The following COPB1 variants were observed in gnomAD, a reference collection of about 807,000 sequenced individuals.
The protein encoded by COPB1 is coatomer subunit beta.
In COPB1, 21 loss-of-function variants were observed where a neutral mutation model predicts 108.7. The observed-to-expected ratio is 0.19, with a 90% CI of 0.14 to 0.28. The LOEUF is 0.28. COPB1 is among the 10% of genes least tolerant of loss of function. The pLI, the probability that COPB1 is intolerant of heterozygous loss-of-function variation, is 1.00. For missense variants in COPB1, 919 were observed against 1,141.3 expected (o/e 0.81, Z 2.81); for synonymous variants, 378 against 386.8 (o/e 0.98, Z 0.27).
intron 19 of COPB1, 43 bp downstream of exon 19, chr11:14,461,139 AAAGG>A (rs774089564): frequency 3.1e-5 from 50 of 1,611,992 alleles, no homozygotes; most frequent in Non-Finnish European, 4.2e-5. Context: ...ACAGCAGGCA[AAAGG>A]AAGAAAGATA....
At position 14,466,286 on chromosome 11, in the gene COPB1, T is replaced by G. The variant is rs774849752; in HGVS notation, c.2286A>C (p.Thr762=). The G allele has an allele frequency of 1.1e-5, 17 of 1,613,028 alleles. No homozygotes were observed. The highest frequency in any genetic ancestry group is 1.4e-5 in the Non-Finnish European group (16 of 1,179,558). The change falls in exon 17 of 22, where the codon ACA becomes ACC. Residue 762 remains threonine, a synonymous_variant. Transcript: ENST00000439561. Reference sequence around the variant, plus strand: ...CTGAATGGTAAGTTTCCTCACCTAGTGTAGCTAGTTCTAATGTGCAATTCT... The same window carrying G: ...CTGAATGGTAAGTTTCCTCACCTAGGGTAGCTAGTTCTAATGTGCAATTCT... ...TLQNCTLELA[T]LGDLKLVEKP... is the part of the protein sequence containing the mutation.
intron 7 of COPB1, among the ~76,000 whole-genome samples, chr11:14,486,149 A>G (rs1236777536): frequency 6.6e-6 from 1 of 152,202 alleles, no homozygotes; most frequent in Non-Finnish European, 1.5e-5. Flanking sequence ...GGTTAACTGT[A>G]CTGTCATTCT....
In COPB1 at chr11:14,481,109, G is replaced by GA. The variant is rs1485006126; in HGVS notation, c.958-13dup. ...TCCATAACCAGATCCTAAAAAAGAA[G>GA]AAAAAATCAAGAATTAACACCAATC... is the stretch of plus-strand genomic sequence containing the variant. On this transcript the variant is annotated splice_polypyrimidine_tract_variant and intron_variant, in intron 8 of 21. Coordinates refer to ENST00000439561, the MANE Select transcript of COPB1 (RefSeq NM_001144061.2). 1.4e-5 allele frequency: 22 copies of GA among 1,590,030 alleles called. No individual in the cohort carries two copies. Among genetic ancestry groups the GA allele is most frequent in the East Asian group, 6.7e-5 (3 of 44,738 alleles).
At position 14,483,032 on chromosome 11, in the gene COPB1, C is replaced by A; in HGVS notation, c.957G>T (p.Gln319His). 6.4e-7 allele frequency: 1 copy of A among 1,557,202 alleles called. No homozygotes were observed. Among genetic ancestry groups the A allele is most frequent in the Non-Finnish European group, 8.8e-7 (1 of 1,140,018 alleles). ...KEHPAHERVLQDLVMDILRVL... is the reference protein window; with the variant it reads ...KEHPAHERVLHDLVMDILRVL... ...TCTCTCTTTTTCAGATAACACTTAC[C>A]TGTAGTACTCGTTCATGAGCAGGAT... The change falls in exon 8 of 22, where the codon CAG (glutamine) becomes CAT (histidine). Residue 319 changes from glutamine to histidine, a missense_variant and splice_region_variant. Coordinates refer to ENST00000439561, the MANE Select transcript of COPB1 (RefSeq NM_001144061.2).
intron 12 of COPB1, among the ~76,000 whole-genome samples, chr11:14,476,581 G>C (rs901606239): frequency 1.3e-4 from 20 of 152,214 alleles, no homozygotes; most frequent in African/African-American, 4.3e-4. Flanking sequence ...ACACAACAAT[G>C]ACTAGAACTA....
chr11:14,492,611 G>A (rs1850932048), intron 4 of COPB1, among the ~76,000 whole-genome samples: 1 of 151,316 alleles, frequency 6.6e-6, no homozygotes, highest in South Asian at 2.1e-4. Flanking sequence ...CCAAAGTGCT[G>A]GGATTACAGG....
At chr11:14,465,109 ACT>A (rs1267684230) in intron 17 of COPB1, 79 bp from the exon 18 acceptor site, 18 of 1,345,360 alleles carry the variant, frequency 1.3e-5, no homozygotes, top group Middle Eastern at 2.6e-4. Flanking sequence ...ACACACACAC[ACT>A]AACCATAAAA....
intron 2 of COPB1, among the ~76,000 whole-genome samples, chr11:14,497,825 T>A (rs911509122): frequency 6.6e-6 from 1 of 152,022 alleles, no homozygotes; most frequent in East Asian, 1.9e-4. Flanking sequence ...ATAAAGAAAA[T>A]GTGGTACATA....
chr11:14,491,603 A>G (rs1418204344), intron 4 of COPB1, among the ~76,000 whole-genome samples: 4 of 148,652 alleles, frequency 2.7e-5, no homozygotes, highest in Non-Finnish European at 5.9e-5. Flanking sequence ...TGGGAGGTGG[A>G]GGCTGCAGTA....
chr11:14,474,755 T>C lies in COPB1; in HGVS notation c.1617-140A>G. On this transcript the variant is annotated intron_variant, in intron 13 of 21. Coordinates refer to ENST00000439561, the MANE Select transcript of COPB1 (RefSeq NM_001144061.2). ...AGGATACCTTAGCTAACTAACTCCTTAGCTCCCAGAAGAAAGAAGGAAAAA... is the reference window on the plus strand; with the variant it reads ...AGGATACCTTAGCTAACTAACTCCTCAGCTCCCAGAAGAAAGAAGGAAAAA... 5.6e-6 allele frequency: 7 copies of C among 1,241,640 alleles called. No individual in the cohort carries two copies. In the South Asian group the frequency reaches 1.3e-4, roughly 22 times the overall value. 76.9% of individuals were successfully genotyped at this position (1,241,640 alleles called of 1,614,324 possible).
intron 11 of COPB1, 147 bp downstream of exon 11, chr11:14,479,422 T>C (rs1850607837): frequency 3.2e-6 from 2 of 621,134 alleles, no homozygotes; most frequent in South Asian, 3.7e-5. Flanking sequence ...TAAATGAGAG[T>C]GGAGTTAGCG....
At chr11:14,463,613 C>A (rs986252658) in intron 18 of COPB1, among the ~76,000 whole-genome samples, 1 of 152,190 alleles carries the variant, frequency 6.6e-6, no homozygotes, top group African/African-American at 2.4e-5. Flanking sequence ...AGCCACCACA[C>A]CCGGCCTATC....
At chr11:14,458,074 AT>A (rs748562590) in intron 21 of COPB1, among the ~76,000 whole-genome samples, 191 bp from the exon 22 acceptor site, 63 of 100,716 alleles carry the variant, frequency 6.3e-4, no homozygotes, top group African/African-American at 1.1e-3. Context: ...CCGTCACCAG[AT>A]TTTTTTTTTT....
intron 20 of COPB1, 57 bp downstream of exon 20, chr11:14,460,151 G>A (rs1197007602): frequency 9.3e-7 from 1 of 1,080,196 alleles, no homozygotes; most frequent in Non-Finnish European, 1.4e-6. Context: ...ATACAGGAAG[G>A]CCAGGAACCT....
intron 4 of COPB1, among the ~76,000 whole-genome samples, chr11:14,492,754 A>G (rs1177575584): frequency 6.6e-6 from 1 of 152,250 alleles, no homozygotes; most frequent in Non-Finnish European, 1.5e-5. Context: ...AAAGATGCTT[A>G]TAAAAATTAC....
intron 2 of COPB1, among the ~76,000 whole-genome samples, chr11:14,496,721 CA>C (rs1851029517): frequency 6.6e-6 from 1 of 150,416 alleles, no homozygotes; most frequent in African/African-American, 2.4e-5. Flanking sequence ...TATGGAACCA[CA>C]AAAGACCCAG....
chr11:14,490,840 A>G lies in COPB1; in HGVS notation c.492-161T>C, dbSNP rs147852705. On this transcript the variant is annotated intron_variant, in intron 4 of 21. Coordinates refer to ENST00000439561, the MANE Select transcript of COPB1 (RefSeq NM_001144061.2). ...AGTCTCACTCTGTTGCCTGGGCTGG[A>G]GTGCAGTGGTGCGATCTCAGCTCAC... 7.3e-4 allele frequency among the ~76,000 whole-genome samples: 110 copies of G among 149,906 alleles called. 1 individual carries two copies. Among genetic ancestry groups the G allele is most frequent in the African/African-American group, 2.5e-3 (101 of 40,612 alleles).
chr11:14,472,517 T>C (rs1850431657), intron 14 of COPB1, among the ~76,000 whole-genome samples: 1 of 152,230 alleles, frequency 6.6e-6, no homozygotes, highest in Non-Finnish European at 1.5e-5. Context: ...CTGGTTGTAT[T>C]AGCCCTTACC....
rs980917623 is a variant in COPB1, at chr11:14,498,875, T to C, written c.54A>G (p.Ser18=). The C allele has an allele frequency of 1.2e-6, 2 of 1,610,822 alleles. No homozygotes were observed. Among genetic ancestry groups the C allele is most frequent in the Non-Finnish European group, 8.5e-7 (1 of 1,179,314 alleles). The change falls in exon 2 of 22, where the codon TCA becomes TCG. Residue 18 remains serine, a synonymous_variant. Coordinates refer to ENST00000439561, the MANE Select transcript of COPB1 (RefSeq NM_001144061.2). Reference sequence around the variant, plus strand: ...TTAAGCTAATTTCAGATGGTGGTTCTGAATCCATTGGCACGTTAATTAACG... The same window carrying C: ...TTAAGCTAATTTCAGATGGTGGTTCCGAATCCATTGGCACGTTAATTAACG... The part of the protein sequence containing the change: ...CYTLINVPMD[S]EPPSEISLKN...
Sources: gnomAD v4.1 joint callset for allele counts (sites outside exome capture counted in the v4.1 genomes callset) on GRCh38, gnomAD v4.1.1 for gene constraint, MANE v1.5 for transcripts, NCBI Gene and HGNC (gene_info 2026-07-23, HGNC 2026-07-21) for gene names.